ROR2: variants seen among roughly 807,000 people sequenced by gnomAD.
ROR2 encodes the protein ROR family WNT receptor 2, also known as tyrosine-protein kinase transmembrane receptor ROR2.
In ROR2, 33 loss-of-function variants were observed where a neutral mutation model predicts 74.9. That is an observed-to-expected ratio of 0.44 (90% CI 0.33 to 0.59). ROR2 has a LOEUF of 0.59. Ranked by LOEUF, ROR2 falls within the 20% of genes least tolerant of loss-of-function variation. The pLI is 0.02. For synonymous variants in ROR2, 586 were observed against 558.7 expected (o/e 1.05, Z -0.69); for missense variants, 1,216 against 1,313.8 (o/e 0.93, Z 1.15).
chr9:91,770,735 C>T lies in ROR2; in HGVS notation c.175+5006G>A, dbSNP rs563750595. 3.9e-5 allele frequency among the ~76,000 whole-genome samples: 6 copies of T among 152,340 alleles called. 1 individual carries two copies. In the South Asian group the frequency reaches 1.2e-3, roughly 32 times the overall value. On this transcript the variant is annotated intron_variant, in intron 2 of 8. Transcript: ENST00000375708. ...CCCAAGTTGTGAATAACAAGCCTGA[C>T]AGACTTTATGCTGACTATGTTTGCA...
intron 2 of ROR2, among the ~76,000 whole-genome samples, chr9:91,768,653 CAG>C (rs890977044): frequency 1.6e-4 from 25 of 152,204 alleles, no homozygotes; most frequent in East Asian, 7.7e-4. Context: ...GGGAGAAAGA[CAG>C]GGGCTGATCG....
rs541678783 is a variant in ROR2, at chr9:91,857,496, G to A, written c.98-81678C>T. Among the ~76,000 whole-genome samples, 9 of 152,222 alleles carry A rather than the reference G, an allele frequency of 5.9e-5. No individual in the cohort carries two copies. In the South Asian group the frequency reaches 8.3e-4, roughly 14 times the overall value. On this transcript the variant is annotated intron_variant, in intron 1 of 8. Transcript: ENST00000375708. Reference sequence around the variant, plus strand: ...AAACACACTTTTTAAAAACATTCCAGTAGGTCGTGTTCTACAGCAGGAGAC... The same window carrying A: ...AAACACACTTTTTAAAAACATTCCAATAGGTCGTGTTCTACAGCAGGAGAC...
chr9:91,850,256 GTTATT>G (rs1829049336), intron 1 of ROR2, among the ~76,000 whole-genome samples: 3 of 85,660 alleles, frequency 3.5e-5, no homozygotes, highest in South Asian at 7.1e-4. Context: ...CATAACTTAT[GTTATT>G]TTATGTTTCC....
At position 91,813,458 on chromosome 9, in the gene ROR2, G is replaced by A. The variant is rs372668441; in HGVS notation, c.98-37640C>T. Among the ~76,000 whole-genome samples, 7 of 152,310 alleles carry A rather than the reference G, an allele frequency of 4.6e-5. No homozygotes were observed. The East Asian group carries it at 9.6e-4, about 21-fold the overall frequency. On this transcript the variant is annotated intron_variant, in intron 1 of 8. Coordinates refer to ENST00000375708, the MANE Select transcript of ROR2 (RefSeq NM_004560.4). ...GCGTCTGGGTCAGGATGGGTTTGCC[G>A]TCTGTGGAACAGCACTCAGGGCCCA...
At chr9:91,913,039 G>T (rs1056681938) in intron 1 of ROR2, among the ~76,000 whole-genome samples, 4 of 152,192 alleles carry the variant, frequency 2.6e-5, no homozygotes, top group Non-Finnish European at 5.9e-5. Context: ...TGAGGCAGGA[G>T]AATCGCTTGA....
chr9:91,744,332 T>C (rs9409654), intron 4 of ROR2, among the ~76,000 whole-genome samples: 116,844 of 150,684 alleles, frequency 0.78, 45,387 homozygotes, highest in African/African-American at 0.84. Context: ...GGTTGATTCT[T>C]CTGCCCAGCT....
At chr9:91,781,344 T>C (rs1826613875) in intron 1 of ROR2, among the ~76,000 whole-genome samples, 1 of 152,212 alleles carries the variant, frequency 6.6e-6, no homozygotes, top group Non-Finnish European at 1.5e-5. Context: ...ACTGTCCCAC[T>C]TGCACGTGCA....
chr9:91,916,897 AG>A (rs1359330491), intron 1 of ROR2, among the ~76,000 whole-genome samples: 1 of 152,162 alleles, frequency 6.6e-6, no homozygotes, highest in Non-Finnish European at 1.5e-5. Context: ...TTCAAAGAAG[AG>A]GCTTCACTAG....
At chr9:91,824,291 G>C (rs1422475672) in intron 1 of ROR2, among the ~76,000 whole-genome samples, 2 of 152,248 alleles carry the variant, frequency 1.3e-5, no homozygotes, top group Non-Finnish European at 2.9e-5. Flanking sequence ...TTACATGCCT[G>C]TGGGGTTCCC....
chr9:91,877,400 A>G (rs1829986302), intron 1 of ROR2, among the ~76,000 whole-genome samples: 1 of 152,196 alleles, frequency 6.6e-6, no homozygotes, highest in Non-Finnish European at 1.5e-5. Flanking sequence ...CATGTGCCCA[A>G]TCTAAGTGGA....
chr9:91,845,225 G>C (rs1248797894), intron 1 of ROR2, among the ~76,000 whole-genome samples: 1 of 152,044 alleles, frequency 6.6e-6, no homozygotes, highest in East Asian at 1.9e-4. Context: ...CCAGTGTAGG[G>C]CCTGGGCTGC....
chr9:91,783,253 G>A (rs773450886), intron 1 of ROR2, among the ~76,000 whole-genome samples: 11 of 152,196 alleles, frequency 7.2e-5, no homozygotes, highest in Admixed American at 2.6e-4. Context: ...CTGAGACACA[G>A]AGGACTAGGA....
rs569232072 is a variant in ROR2, at chr9:91,783,429, A to G, written c.98-7611T>C. Among the ~76,000 whole-genome samples the G allele has an allele frequency of 5.2e-4, 79 of 152,294 alleles. 1 individual carries two copies. The South Asian group carries it at 8.7e-3, about 17-fold the overall frequency. Reference sequence around the variant, plus strand: ...TGGATAGGCTCTCTGGGCTAAGTACAGGTGTGCTGGGACTGCTCGCATGCC... The same window carrying G: ...TGGATAGGCTCTCTGGGCTAAGTACGGGTGTGCTGGGACTGCTCGCATGCC... On this transcript the variant is annotated intron_variant, in intron 1 of 8. Transcript: ENST00000375708.
intron 1 of ROR2, among the ~76,000 whole-genome samples, chr9:91,901,520 A>C (rs1344134583): frequency 1.3e-5 from 2 of 152,184 alleles, no homozygotes; most frequent in Non-Finnish European, 2.9e-5. Flanking sequence ...GGGGTTAAAA[A>C]TAAAAGTGCT....
intron 1 of ROR2, among the ~76,000 whole-genome samples, chr9:91,810,000 A>ACC (rs1284059634): frequency 3.3e-5 from 5 of 152,134 alleles, no homozygotes; most frequent in Admixed American, 6.5e-5. Context: ...AGCAAGTGAG[A>ACC]CCCCACACAG....
At chr9:91,936,477 T>C (rs574597950) in intron 1 of ROR2, among the ~76,000 whole-genome samples, 11 of 152,310 alleles carry the variant, frequency 7.2e-5, no homozygotes, top group African/African-American at 2.6e-4. Context: ...CATTGGATTA[T>C]AGCCCACCGT....
chr9:91,857,704 G>A (rs2119283765), intron 1 of ROR2, among the ~76,000 whole-genome samples: 1 of 152,106 alleles, frequency 6.6e-6, no homozygotes, highest in Non-Finnish European at 1.5e-5. Flanking sequence ...CTTCCTCCCT[G>A]AGGAGCTTAA....
intron 1 of ROR2, among the ~76,000 whole-genome samples, chr9:91,939,237 A>C (rs1366824541): frequency 6.6e-6 from 1 of 152,064 alleles, no homozygotes; most frequent in East Asian, 1.9e-4. Flanking sequence ...CGACAAAGCG[A>C]GACTCCATCT....
intron 1 of ROR2, among the ~76,000 whole-genome samples, chr9:91,820,260 A>T (rs1280135138): frequency 5.3e-5 from 8 of 152,186 alleles, no homozygotes; most frequent in African/African-American, 1.9e-4. Flanking sequence ...GTTTCTCCTG[A>T]GGCTCCAAGT....
Sources: allele counts gnomAD v4.1 joint callset (sites outside exome capture counted in the v4.1 genomes callset), GRCh38; gene constraint gnomAD v4.1.1; transcripts MANE v1.5; gene names NCBI Gene and HGNC (gene_info 2026-07-23, HGNC 2026-07-21).